Variants in LENG8 observed in about 807,000 individuals in gnomAD.
The protein encoded by LENG8 is leukocyte receptor cluster member 8.
Under a neutral mutation model 102.1 loss-of-function variants are expected in LENG8, and 28 were observed. That is an observed-to-expected ratio of 0.27 (90% CI 0.20 to 0.38). The LOEUF is 0.38. Ranked by LOEUF, LENG8 falls within the 10% of genes least tolerant of loss-of-function variation. LENG8 has a pLI of 1.00. For missense variants in LENG8, 1,022 were observed against 1,113.9 expected (o/e 0.92, Z 1.17); for synonymous variants, 531 against 456.7 (o/e 1.16, Z -2.07).
Position 54,452,180 on chromosome 19 carries a change from C to T in LENG8, c.126C>T (p.Ala42=). The change falls in exon 3 of 16, where the codon GCC becomes GCT. Residue 42 remains alanine, a synonymous_variant. Coordinates refer to ENST00000326764, the MANE Select transcript of LENG8 (RefSeq NM_052925.4). ...PMHENPEWEK[A]RQALASISKS... is the part of the protein sequence containing the mutation. ...ACGAGAACCCGGAGTGGGAGAAGGC[C>T]CGTCAGGCCCTGGCCAGCATCAGCA... 1.2e-6 allele frequency: 2 copies of T among 1,614,116 alleles called. No individual in the cohort carries two copies. The highest frequency in any genetic ancestry group is 2.2e-5 in the South Asian group (2 of 91,090).
In LENG8 at chr19:54,458,202, C is replaced by G; in HGVS notation, c.2002C>G (p.Leu668Val). Residue 668 changes from leucine (L) to valine (V), a missense_variant, in exon 14 of 16, where the codon CTC becomes GTC. By Grantham distance (32) the Leu-to-Val change is conservative (BLOSUM62 1). Around this residue, in one of 7 missense-constraint regions of LENG8, gnomAD observed 158 missense variants for 229.0 expected, o/e 0.69. Transcript: ENST00000326764. Reference protein sequence around the residue: ...NVGEFTAYRILYYIFTKNSGD... With the variant: ...NVGEFTAYRIVYYIFTKNSGD... Reference sequence around the variant, plus strand: ...GGGCGAGTTTACTGCCTACCGAATCCTCTACTACATCTTCACCAAGAACTC... The same window carrying G: ...GGGCGAGTTTACTGCCTACCGAATCGTCTACTACATCTTCACCAAGAACTC... 6.2e-7 allele frequency: 1 copy of G among 1,614,238 alleles called. No individual in the cohort carries two copies. Among genetic ancestry groups the G allele is most frequent in the Non-Finnish European group, 8.5e-7 (1 of 1,180,048 alleles).
intron 1 of LENG8, among the ~76,000 whole-genome samples, chr19:54,450,848 G>C (rs137913335): frequency 6.6e-6 from 1 of 152,052 alleles, no homozygotes; most frequent in Non-Finnish European, 1.5e-5. Context: ...TCGAACTCCC[G>C]ACCTCAGGTG....
At chr19:54,455,135 A>G (rs752442886) in intron 7 of LENG8, 43 bp downstream of exon 7, 1 of 1,612,122 alleles carries the variant, frequency 6.2e-7, no homozygotes, top group South Asian at 1.1e-5. Context: ...CACACTCTGC[A>G]CTCAGCGTCT....
In LENG8 at chr19:54,451,186, C is replaced by T. The variant is rs868099761; in HGVS notation, c.-55-104C>T. 1.0e-4 allele frequency: 78 copies of T among 752,622 alleles called. 3 individuals are homozygous for T. In the Middle Eastern group the frequency reaches 2.8e-3, roughly 27 times the overall value. 46.6% of individuals were successfully genotyped at this position (752,622 alleles called of 1,614,324 possible). A position where few individuals can be genotyped will look rare whatever the true frequency, so the allele number is the denominator to read the frequency against. ...CCAGTGGCTTTTCAGTCAGCCTCCC[C>T]TTTTCTGCCCGGCTTCTCTTGAGTC... On this transcript the variant is annotated intron_variant, in intron 1 of 15. Coordinates refer to ENST00000326764, the MANE Select transcript of LENG8 (RefSeq NM_052925.4).
At position 54,455,439 on chromosome 19, in the gene LENG8, C is replaced by T. The variant is rs1249510237; in HGVS notation, c.897C>T (p.Arg299=). 2 of 1,614,184 alleles carry T rather than the reference C, an allele frequency of 1.2e-6. No homozygotes were observed. Among genetic ancestry groups the T allele is most frequent in the East Asian group, 2.2e-5 (1 of 44,876 alleles). The part of the protein sequence containing the change: ...WPQDMKEYVE[R]CFTACESEED... ...AGGACATGAAAGAGTATGTGGAGCG[C>T]TGCTTCACCGCCTGTGAGTCGGAGG... The change falls in exon 8 of 16, where the codon CGC becomes CGT. Residue 299 remains arginine (R), a synonymous_variant. Coordinates refer to ENST00000326764, the MANE Select transcript of LENG8 (RefSeq NM_052925.4).
rs1346067160 is a variant in LENG8 at position 54,458,362 on chromosome 19, C to T, written c.2081C>T (p.Pro694Leu). 1 of 1,614,198 alleles carries T rather than the reference C, an allele frequency of 6.2e-7. No individual in the cohort carries two copies. Among genetic ancestry groups the T allele is most frequent in the East Asian group, 2.2e-5 (1 of 44,868 alleles). The change falls in exon 15 of 16, where the codon CCT becomes CTT. Residue 694 changes from proline (P) to leucine (L), a missense_variant. Pro to Leu is a moderately conservative substitution (Grantham distance 98, BLOSUM62 -3). Coordinates refer to ENST00000326764, the MANE Select transcript of LENG8 (RefSeq NM_052925.4). ...AYLTRELKADPCVAHALALRT... is the reference protein window; with the variant it reads ...AYLTRELKADLCVAHALALRT... ...CTCACACGAGAACTGAAGGCAGATC[C>T]TTGCGTGGCCCACGCCTTGGCATTA...
chr19:54,460,962 C>A lies in LENG8; in HGVS notation c.*34C>A, dbSNP rs2084517141. On this transcript the variant is annotated 3_prime_UTR_variant, in exon 16 of 16. Transcript: ENST00000326764. ...CGAGGAGGGGCGGGGGCAGGGGCTG[C>A]AGCCCCCAGCGCTGCCTTTGCGGAT... is the stretch of plus-strand genomic sequence containing the variant. The A allele has an allele frequency of 6.5e-7, 1 of 1,538,166 alleles. No individual in the cohort carries two copies. The highest frequency in any genetic ancestry group is 1.4e-5 in the African/African-American group (1 of 73,128).
intron 15 of LENG8, chr19:54,458,939 C>G (rs1450038214): frequency 6.6e-7 from 1 of 1,514,286 alleles, no homozygotes; most frequent in Non-Finnish European, 8.8e-7. Context: ...TCTACCAGGA[C>G]AAGGCCCAGT....
At position 54,452,249 on chromosome 19, in the gene LENG8, G is replaced by T. The variant is rs748990141; in HGVS notation, c.195G>T (p.Gly65=). 11 of 1,612,746 alleles carry T rather than the reference G, an allele frequency of 6.8e-6. No individual in the cohort carries two copies. The highest frequency in any genetic ancestry group is 6.7e-5 in the African/African-American group (5 of 74,928). ...AGGSAKSSSN[G]PVASAQYVSQ... ...GCTCTGCCAAGTCCAGCAGCAATGG[G>T]CCTGTGGCCAGTGCACAGGTGAGAA... The change falls in exon 3 of 16, where the codon GGG becomes GGT. Residue 65 remains glycine, a synonymous_variant. Coordinates refer to ENST00000326764, the MANE Select transcript of LENG8 (RefSeq NM_052925.4).
intron 3 of LENG8, among the ~76,000 whole-genome samples, 172 bp from the exon 4 acceptor site, chr19:54,452,479 C>T (rs1338812208): frequency 6.6e-6 from 1 of 152,240 alleles, no homozygotes; most frequent in African/African-American, 2.4e-5. Context: ...TGCCCATGCC[C>T]CTGGTCTCTA....
chr19:54,454,798 G>A (rs1416150476), intron 6 of LENG8, 116 bp downstream of exon 6: 2 of 1,425,924 alleles, frequency 1.4e-6, no homozygotes, highest in Non-Finnish European at 1.9e-6. Context: ...TCGCCAGGCT[G>A]GGGGTGGGGC....
chr19:54,460,587 C>A (rs531634461), intron 15 of LENG8, 179 bp from the exon 16 acceptor site: 3 of 1,409,720 alleles, frequency 2.1e-6, no homozygotes, highest in African/African-American at 2.9e-5. Flanking sequence ...GGTCACTAAC[C>A]CCCCCCGGGC....
At position 54,454,487 on chromosome 19, in the gene LENG8, C is replaced by A; in HGVS notation, c.484C>A (p.Pro162Thr). The A allele has an allele frequency of 6.2e-7, 1 of 1,613,698 alleles. No homozygotes were observed. Among genetic ancestry groups the A allele is most frequent in the Non-Finnish European group, 8.5e-7 (1 of 1,179,732 alleles). The change falls in exon 6 of 16, where the codon CCG becomes ACG. Residue 162 changes from proline (P) to threonine (T), a missense_variant. Pro to Thr is a conservative substitution (Grantham distance 38). Coordinates refer to ENST00000326764, the MANE Select transcript of LENG8 (RefSeq NM_052925.4). ...CTACCAGGCTCCCCCTCAGCAGCTG[C>A]CGTCGGCTCAGCCCCCTCAGCCCTC... ...MSYQAPPQQL[P>T]SAQPPQPSNP...
In LENG8 at chr19:54,452,311, G is replaced by T. The variant is rs759644644; in HGVS notation, c.213+44G>T. The T allele has an allele frequency of 3.9e-6, 6 of 1,536,934 alleles. No homozygotes were observed. In the East Asian group the frequency reaches 1.4e-4, roughly 35 times the overall value. ...GCTGGGGTACCCTGAGCCAGAGGTT[G>T]TGGGAGGGACACAGTCTGGCGTCCT... On this transcript the variant is annotated intron_variant, in intron 3 of 15. Coordinates refer to ENST00000326764, the MANE Select transcript of LENG8 (RefSeq NM_052925.4).
At chr19:54,452,002 T>A (rs548668234) in intron 2 of LENG8, 91 bp from the exon 3 acceptor site, 1 of 1,206,574 alleles carries the variant, frequency 8.3e-7, no homozygotes. Flanking sequence ...CAGTTAGATA[T>A]GGGATCCAGG....
At position 54,453,542 on chromosome 19, in the gene LENG8, GC is replaced by G; in HGVS notation, c.316-3del. The G allele has an allele frequency of 1.2e-6, 2 of 1,610,370 alleles. No homozygotes were observed. The highest frequency in any genetic ancestry group is 1.7e-6 in the Non-Finnish European group (2 of 1,176,734). On this transcript the variant is annotated splice_polypyrimidine_tract_variant and splice_region_variant and intron_variant, in intron 4 of 15. Transcript: ENST00000326764. ...CTAAACCCTCCCTCCCTGCGCCTTT[GC>G]AGAGCATGTACCAGAGCTATGGCTC...
At chr19:54,460,172 C>T (rs961859515) in intron 15 of LENG8, 7 of 1,289,858 alleles carry the variant, frequency 5.4e-6, no homozygotes, top group Non-Finnish European at 7.1e-6. Context: ...GTGCCCCTCA[C>T]TCGGTGCCTG....
intron 11 of LENG8, among the ~76,000 whole-genome samples, chr19:54,457,529 C>T (rs375913304): frequency 1.3e-5 from 2 of 152,050 alleles, no homozygotes; most frequent in South Asian, 2.1e-4. Flanking sequence ...TTAGTAGAGA[C>T]GGGGTTTCAC....
Position 54,457,865 on chromosome 19 carries a change from G to A in LENG8, c.1833+17G>A. On this transcript the variant is annotated intron_variant, in intron 12 of 15. Transcript: ENST00000326764. Reference sequence around the variant, plus strand: ...GATCTGACGGTGAGACTCGCGCTGGGAGGGGCCTGGCCTCAGCCAGTCCTG... The same window carrying A: ...GATCTGACGGTGAGACTCGCGCTGGAAGGGGCCTGGCCTCAGCCAGTCCTG... The A allele has an allele frequency of 6.2e-7, 1 of 1,613,750 alleles. No individual in the cohort carries two copies. Among genetic ancestry groups the A allele is most frequent in the South Asian group, 1.1e-5 (1 of 91,070 alleles).
Sources: allele counts gnomAD v4.1 joint callset (sites outside exome capture counted in the v4.1 genomes callset), GRCh38; gene constraint gnomAD v4.1.1; regional missense constraint gnomAD v4.1.1; transcripts MANE v1.5; gene names NCBI Gene and HGNC (gene_info 2026-07-23, HGNC 2026-07-21).